Variants in GNAO1 observed in about 807,000 individuals in gnomAD.
The protein encoded by GNAO1 is guanine nucleotide-binding protein G(o) subunit alpha.
For missense variants in GNAO1, 166 were observed against 478.7 expected (o/e 0.35, Z 6.10); for synonymous variants, 164 against 180.7 (o/e 0.91, Z 0.74).
At chr16:56,343,995 C>A in intron 6 of GNAO1, 5 of 1,595,740 alleles carry the variant, frequency 3.1e-6, no homozygotes, top group South Asian at 2.2e-5. Context: ...TGGCCTGCCG[C>A]CCCCCCTCCC....
chr16:56,223,426 A>C (rs2143374048), intron 2 of GNAO1, among the ~76,000 whole-genome samples: 1 of 152,326 alleles, frequency 6.6e-6, no homozygotes, highest in South Asian at 2.1e-4. Context: ...CCAGCCAGGA[A>C]AGGTTCTCTG....
chr16:56,224,411 A>G (rs931896059), intron 2 of GNAO1, among the ~76,000 whole-genome samples: 4 of 152,178 alleles, frequency 2.6e-5, no homozygotes, highest in Non-Finnish European at 4.4e-5. Context: ...TGGCCCACTC[A>G]TGCCCATGTT....
intron 5 of GNAO1, among the ~76,000 whole-genome samples, 187 bp downstream of exon 5, chr16:56,335,044 A>C (rs1028682790): frequency 2.0e-5 from 3 of 152,258 alleles, no homozygotes; most frequent in Non-Finnish European, 4.4e-5. Context: ...TGGAGTGAGC[A>C]GGGAGGCTTT....
chr16:56,191,916 G>A lies in GNAO1; in HGVS notation c.-320G>A, dbSNP rs1294147090. ...TTTATTTATTTTGGGTCGTGCACAA[G>A]CCTCAGTGCCTGCAGTCCGCGCCTC... On this transcript the variant is annotated 5_prime_UTR_variant, in exon 1 of 9. Transcript: ENST00000262493. This position sits in a 1 kb window ranked among gnomAD's most constrained non-coding sequence, Gnocchi z 4.7. The A allele has an allele frequency of 2.6e-6, 1 of 385,434 alleles. No homozygotes were observed. The highest frequency in any genetic ancestry group is 3.8e-5 in the South Asian group (1 of 26,462). 23.9% of individuals were successfully genotyped at this position (385,434 alleles called of 1,614,324 possible).
chr16:56,335,887 G>A (rs1247954208), intron 5 of GNAO1, among the ~76,000 whole-genome samples: 1 of 152,212 alleles, frequency 6.6e-6, no homozygotes, highest in Non-Finnish European at 1.5e-5. Flanking sequence ...GATGGAATGA[G>A]AACCAGACCC....
chr16:56,220,894 C>G (rs1318653503), intron 2 of GNAO1, among the ~76,000 whole-genome samples: 1 of 152,048 alleles, frequency 6.6e-6, no homozygotes. Flanking sequence ...ATTACAGGTG[C>G]CTGCCACCGC....
chr16:56,302,103 T>C (rs2037351437), intron 3 of GNAO1: 1 of 152,436 alleles, frequency 6.6e-6, no homozygotes, highest in Admixed American at 6.5e-5. Flanking sequence ...ACAATCTACT[T>C]CAGCCCCACT....
chr16:56,306,800 G>C (rs1401196042), intron 3 of GNAO1: 1 of 152,212 alleles, frequency 6.6e-6, no homozygotes, highest in African/African-American at 2.4e-5. Context: ...AAAGATTCCA[G>C]TTGGACCAGA....
At chr16:56,236,388 A>T (rs562176726) in intron 2 of GNAO1, among the ~76,000 whole-genome samples, 1 of 152,322 alleles carries the variant, frequency 6.6e-6, no homozygotes, top group Admixed American at 6.5e-5. Flanking sequence ...TTCAGTTTGA[A>T]TCCATAGAAT....
Position 56,291,426 on chromosome 16 carries a change from C to T in GNAO1, c.303+15354C>T, listed in dbSNP as rs13332981. On this transcript the variant is annotated intron_variant, in intron 3 of 8. Transcript: ENST00000262493. The stretch of plus-strand genomic sequence containing the variant: ...TATTTTCTTCAGAGAAATGTCTATT[C>T]AGAATTAGCCCATCTCTAAATGGGG... Among the ~76,000 whole-genome samples, 781 of 152,302 alleles carry T rather than the reference C, an allele frequency of 5.1e-3. 8 individuals carry two copies. The highest frequency in any genetic ancestry group is 0.018 in the African/African-American group (729 of 41,562).
At chr16:56,207,048 C>T (rs756304559) in intron 2 of GNAO1, among the ~76,000 whole-genome samples, 3 of 152,248 alleles carry the variant, frequency 2.0e-5, no homozygotes, top group Non-Finnish European at 4.4e-5. Flanking sequence ...ACTCTCCTTA[C>T]ATTTAAGTAG....
intron 3 of GNAO1, among the ~76,000 whole-genome samples, chr16:56,283,308 CACCT>C (rs2037131937): frequency 6.6e-6 from 1 of 152,168 alleles, no homozygotes; most frequent in South Asian, 2.1e-4. Flanking sequence ...CTATCTCAGT[CACCT>C]ACCTAAGCAG....
At chr16:56,194,488 A>G (rs2036212869) in intron 2 of GNAO1, 1 of 332,726 alleles carries the variant, frequency 3.0e-6, no homozygotes, top group Non-Finnish European at 6.0e-6. Flanking sequence ...CAAGTGGTGG[A>G]CAGCGCCCAG....
At chr16:56,294,161 A>G (rs1441267059) in intron 3 of GNAO1, among the ~76,000 whole-genome samples, 2 of 152,130 alleles carry the variant, frequency 1.3e-5, no homozygotes, top group Non-Finnish European at 2.9e-5. Context: ...AGGGGAGTTT[A>G]CTTGCAATCC....
intron 6 of GNAO1, chr16:56,341,109 G>T: frequency 3.9e-6 from 3 of 770,324 alleles, no homozygotes. Flanking sequence ...CACACAAACG[G>T]TCCCCCACCC....
At chr16:56,320,618 T>G (rs1596863015) in intron 3 of GNAO1, among the ~76,000 whole-genome samples, 1 of 151,886 alleles carries the variant, frequency 6.6e-6, no homozygotes, top group Admixed American at 6.6e-5. Flanking sequence ...CCTCGAAGGG[T>G]GTGGGGTGGC....
rs2037918869 is a variant in GNAO1, at chr16:56,351,314, CCTT to C, written c.724-67_724-65del. 8 of 1,137,528 alleles carry C rather than the reference CCTT, an allele frequency of 7.0e-6. No homozygotes were observed. Among genetic ancestry groups the C allele is most frequent in the Admixed American group, 1.9e-5 (1 of 52,470 alleles). 70.5% of individuals were successfully genotyped at this position (1,137,528 alleles called of 1,614,324 possible). The stretch of plus-strand genomic sequence containing the variant: ...CCCTCTCTGTCAAGCCTAATTCTCT[CCTT>C]CTCTTTCCCTGTCTCTGTGTCTCCC... On this transcript the variant is annotated intron_variant, in intron 6 of 8. Transcript: ENST00000262493. This position sits in a 1 kb window ranked among gnomAD's most constrained non-coding sequence, Gnocchi z 6.1.
chr16:56,239,742 C>T (rs992856452), intron 2 of GNAO1, among the ~76,000 whole-genome samples: 21 of 152,206 alleles, frequency 1.4e-4, no homozygotes, highest in Admixed American at 4.6e-4. Flanking sequence ...ATAATCCACA[C>T]GCTAGATCCT....
intron 2 of GNAO1, chr16:56,271,080 G>A (rs531289552): frequency 6.6e-6 from 1 of 152,356 alleles, no homozygotes; most frequent in Admixed American, 6.5e-5. Flanking sequence ...CCAACCCAGA[G>A]GCCTCCTTTC....
Sources: gnomAD v4.1 joint callset for allele counts (sites outside exome capture counted in the v4.1 genomes callset) on GRCh38, gnomAD v4.1.1 for gene constraint, Gnocchi (gnomAD v3.1) non-coding constraint, MANE v1.5 for transcripts, NCBI Gene and HGNC (gene_info 2026-07-23, HGNC 2026-07-21) for gene names.